AKAP7: variants seen among roughly 807,000 people sequenced by gnomAD.
The protein encoded by AKAP7 is A-kinase anchoring protein 7.
A neutral mutation model predicts 39.5 loss-of-function variants in AKAP7; 39 were observed. The ratio of observed to expected loss-of-function variants is 0.99; its 90% confidence interval spans 0.76 to 1.29. The LOEUF is 1.29. AKAP7 is among the 50% of genes most tolerant of loss of function. The probability of loss-of-function intolerance (pLI) is 0.00; values close to 1 mark genes in which losing one functional copy is unlikely to be tolerated. For synonymous variants in AKAP7, 140 were observed against 139.1 expected (o/e 1.01, Z -0.05); for missense variants, 414 against 407.7 (o/e 1.02, Z -0.13).
chr6:131,183,914 G>A (rs1483216005), intron 5 of AKAP7, among the ~76,000 whole-genome samples: 2 of 152,166 alleles, frequency 1.3e-5, no homozygotes, highest in Non-Finnish European at 2.9e-5. Flanking sequence ...GCTCTGGCCT[G>A]GCTCGCCTCT....
chr6:131,165,176 C>T lies in AKAP7; in HGVS notation c.387C>T (p.Thr129=). 1 of 1,609,828 alleles carries T rather than the reference C, an allele frequency of 6.2e-7. No individual in the cohort carries two copies. Among genetic ancestry groups the T allele is most frequent in the South Asian group, 1.1e-5 (1 of 90,284 alleles). The change falls in exon 4 of 8, where the codon ACC becomes ACT. Residue 129 remains threonine (T), a synonymous_variant. Transcript: ENST00000431975. ...AMVSDGSFHI[T]LLVMQLLNED... ...TCAGTGATGGTTCCTTTCATATTACCCTGCTGGTGATGCAATTATTAAATG... is the reference window on the plus strand; with the variant it reads ...TCAGTGATGGTTCCTTTCATATTACTCTGCTGGTGATGCAATTATTAAATG...
At chr6:131,197,012 A>G (rs1285227072) in intron 5 of AKAP7, among the ~76,000 whole-genome samples, 2 of 152,096 alleles carry the variant, frequency 1.3e-5, no homozygotes, top group Non-Finnish European at 1.5e-5. Flanking sequence ...AAAGTATTCT[A>G]TACTATTTTT....
At chr6:131,138,800 C>T (rs1485026236) in intron 1 of AKAP7, among the ~76,000 whole-genome samples, 7 of 152,168 alleles carry the variant, frequency 4.6e-5, no homozygotes, top group Non-Finnish European at 1.5e-5. Flanking sequence ...TAAATGAGTT[C>T]CTCCCAGTGC....
At chr6:131,279,348 A>AGTTC (rs1815015910) in intron 7 of AKAP7, among the ~76,000 whole-genome samples, 1 of 152,114 alleles carries the variant, frequency 6.6e-6, no homozygotes, top group Non-Finnish European at 1.5e-5. Context: ...GGCTCACTGC[A>AGTTC]ACCTCTGCCT....
chr6:131,185,411 T>C (rs766424820), intron 5 of AKAP7: 7 of 504,046 alleles, frequency 1.4e-5, no homozygotes, highest in Admixed American at 2.5e-5. Flanking sequence ...GGCATTGTAA[T>C]TGTGGCCCTG....
intron 3 of AKAP7, among the ~76,000 whole-genome samples, chr6:131,161,601 T>C (rs620707): frequency 0.82 from 115,889 of 141,238 alleles, 47,496 homozygotes; most frequent in East Asian, 0.95. Flanking sequence ...GCCAAGGTTG[T>C]GCCACTGCAC....
chr6:131,281,853 A>ATACTT lies in AKAP7; in HGVS notation c.*129_*133dup. ...TGGTGCAATCTGTGAAGATTGCCTAATACTTTTCATGATCGATGTGTTCGC... is the reference window on the plus strand; with the variant it reads ...TGGTGCAATCTGTGAAGATTGCCTAATACTTTACTTTTCATGATCGATGTGTTCGC... On this transcript the variant is annotated 3_prime_UTR_variant, in exon 8 of 8. Transcript: ENST00000431975. The surrounding 1 kb of genome is among the most constrained non-coding windows in gnomAD (Gnocchi z 4.0). The ATACTT allele has an allele frequency of 1.5e-6, 2 of 1,305,140 alleles. No homozygotes were observed. 80.8% of individuals were successfully genotyped at this position (1,305,140 alleles called of 1,614,324 possible).
intron 6 of AKAP7, among the ~76,000 whole-genome samples, chr6:131,214,161 C>A (rs2128293793): frequency 6.6e-6 from 1 of 152,212 alleles, no homozygotes; most frequent in South Asian, 2.1e-4. Flanking sequence ...TACTTGATGC[C>A]ACCAAGGAGC....
intron 3 of AKAP7, among the ~76,000 whole-genome samples, chr6:131,163,050 C>T (rs1803147602): frequency 6.6e-6 from 1 of 152,122 alleles, no homozygotes; most frequent in African/African-American, 2.4e-5. Flanking sequence ...AAGCGTGTTT[C>T]TGTCATTCCA....
intron 7 of AKAP7, among the ~76,000 whole-genome samples, chr6:131,232,174 T>A (rs1235584053): frequency 1.3e-5 from 2 of 152,154 alleles, no homozygotes; most frequent in Non-Finnish European, 2.9e-5. Context: ...ACCCTGCATA[T>A]TAAAGGAGCG....
chr6:131,275,820 C>G (rs1216133013), intron 7 of AKAP7, among the ~76,000 whole-genome samples: 1 of 152,192 alleles, frequency 6.6e-6, no homozygotes, highest in Non-Finnish European at 1.5e-5. Context: ...AATGAAGATT[C>G]CAAATGCGCC....
At chr6:131,218,457 A>T (rs1809397998) in intron 6 of AKAP7, among the ~76,000 whole-genome samples, 1 of 152,216 alleles carries the variant, frequency 6.6e-6, no homozygotes, top group African/African-American at 2.4e-5. Context: ...GGCAAGGAAA[A>T]ACTAAACACA....
chr6:131,193,507 C>A (rs1038998184), intron 5 of AKAP7, among the ~76,000 whole-genome samples: 1 of 151,904 alleles, frequency 6.6e-6, no homozygotes, highest in Non-Finnish European at 1.5e-5. Flanking sequence ...AGATATTGGC[C>A]TGTAGTTTTC....
chr6:131,139,833 C>A (rs1002220703), intron 1 of AKAP7, among the ~76,000 whole-genome samples: 2 of 152,182 alleles, frequency 1.3e-5, no homozygotes, highest in Non-Finnish European at 2.9e-5. Context: ...CTTTCACTTT[C>A]AAAAGTGTCC....
chr6:131,129,104 T>C, the AKAP7 span, among the ~76,000 whole-genome samples: 1 of 152,128 alleles, frequency 6.6e-6, no homozygotes, highest in Non-Finnish European at 1.5e-5. Context: ...CTAGCCAACA[T>C]GGTGAAATTT....
At chr6:131,192,713 G>C (rs1806538276) in intron 5 of AKAP7, among the ~76,000 whole-genome samples, 1 of 152,150 alleles carries the variant, frequency 6.6e-6, no homozygotes, top group Non-Finnish European at 1.5e-5. Flanking sequence ...TCCAATCCAT[G>C]AACATGGAAT....
intron 3 of AKAP7, 75 bp from the exon 4 acceptor site, chr6:131,165,006 T>C (rs1328565602): frequency 5.7e-6 from 7 of 1,217,610 alleles, no homozygotes; most frequent in East Asian, 2.6e-5. Context: ...TCTTCTTGAT[T>C]TTACATTTTA....
intron 3 of AKAP7, among the ~76,000 whole-genome samples, chr6:131,162,439 G>T (rs1291848596): frequency 3.3e-5 from 5 of 152,160 alleles, no homozygotes; most frequent in Non-Finnish European, 7.4e-5. Flanking sequence ...AGACTCCGCT[G>T]CATGTGCAGG....
intron 7 of AKAP7, among the ~76,000 whole-genome samples, chr6:131,221,569 A>G (rs1809699593): frequency 6.6e-6 from 1 of 152,220 alleles, no homozygotes; most frequent in Non-Finnish European, 1.5e-5. Context: ...GCTACAGAAG[A>G]GAAGTCAATG....
Sources: allele counts gnomAD v4.1 joint callset (sites outside exome capture counted in the v4.1 genomes callset), GRCh38; gene constraint gnomAD v4.1.1; non-coding constraint Gnocchi (gnomAD v3.1); transcripts MANE v1.5; gene names NCBI Gene and HGNC (gene_info 2026-07-23, HGNC 2026-07-21).